NDST4: variants seen among roughly 807,000 people sequenced by gnomAD.
NDST4 encodes the protein N-deacetylase and N-sulfotransferase 4.
Under a neutral mutation model 100.8 loss-of-function variants are expected in NDST4, and 63 were observed. The ratio of observed to expected loss-of-function variants is 0.62; its 90% CI spans 0.51 to 0.77. The LOEUF (loss-of-function observed/expected upper bound fraction) is 0.77, where lower values mean the gene tolerates loss of function less well. NDST4 is among the 30% of genes least tolerant of loss of function. The pLI, the probability that NDST4 is intolerant of heterozygous loss-of-function variation, is 0.00. For missense variants in NDST4, 943 were observed against 1,018.4 expected (o/e 0.93, Z 1.01); for synonymous variants, 377 against 361.8 (o/e 1.04, Z -0.48).
intron 6 of NDST4, among the ~76,000 whole-genome samples, chr4:114,897,876 T>C (rs1185970395): frequency 6.6e-6 from 1 of 152,232 alleles, no homozygotes; most frequent in East Asian, 1.9e-4. Flanking sequence ...TTGAGGTGTC[T>C]GGTAAGGTCT....
rs566374025 is a variant in NDST4 at position 115,033,410 on chromosome 4, G to A, written c.978+42649C>T. The stretch of plus-strand genomic sequence containing the variant: ...GGATTACAGGTGTGAGCCACCCTGC[G>A]TAGTCCTGCTATTAATTTTTAAGTA... On this transcript the variant is annotated intron_variant, in intron 2 of 13. Coordinates refer to ENST00000264363, the MANE Select transcript of NDST4 (RefSeq NM_022569.3). 1.8e-4 allele frequency among the ~76,000 whole-genome samples: 27 copies of A among 151,516 alleles called. No individual in the cohort carries two copies. In the South Asian group the frequency reaches 2.7e-3, roughly 15 times the overall value.
At chr4:114,840,698 T>G (rs1302763974) in intron 10 of NDST4, among the ~76,000 whole-genome samples, 2 of 152,138 alleles carry the variant, frequency 1.3e-5, no homozygotes, top group Admixed American at 1.3e-4. Flanking sequence ...CGGGAATAAG[T>G]GTTGTGAAAC....
At chr4:115,079,518 T>G (rs549149404) in intron 1 of NDST4, among the ~76,000 whole-genome samples, 1 of 152,330 alleles carries the variant, frequency 6.6e-6, no homozygotes, top group Admixed American at 6.5e-5. Context: ...GTTAGAGTAC[T>G]TAAATAATTT....
At chr4:115,017,038 G>A (rs929017952) in intron 2 of NDST4, among the ~76,000 whole-genome samples, 2 of 151,622 alleles carry the variant, frequency 1.3e-5, no homozygotes, top group Admixed American at 1.3e-4. Flanking sequence ...AATTAGGAAA[G>A]AGTTTTTCTA....
chr4:114,893,814 C>T (rs1724652994), intron 6 of NDST4, among the ~76,000 whole-genome samples: 1 of 152,058 alleles, frequency 6.6e-6, no homozygotes, highest in Non-Finnish European at 1.5e-5. Context: ...AGTCTTTGCC[C>T]ATGCCTATGT....
chr4:114,913,138 A>T (rs1272406389), intron 6 of NDST4, among the ~76,000 whole-genome samples: 1 of 134,488 alleles, frequency 7.4e-6, no homozygotes, highest in Non-Finnish European at 1.5e-5. Flanking sequence ...AAAAAAATAA[A>T]ATTATATTTT....
chr4:114,986,195 G>A (rs1484200764), intron 2 of NDST4, among the ~76,000 whole-genome samples: 2 of 152,182 alleles, frequency 1.3e-5, no homozygotes, highest in Admixed American at 1.3e-4. Context: ...TATGTGAAGA[G>A]TTTGCATTTT....
intron 1 of NDST4, among the ~76,000 whole-genome samples, chr4:115,099,928 G>A (rs1729696171): frequency 6.6e-6 from 1 of 152,062 alleles, no homozygotes; most frequent in Non-Finnish European, 1.5e-5. Context: ...ATCAAAAAGT[G>A]AATGAATAAA....
intron 6 of NDST4, among the ~76,000 whole-genome samples, chr4:114,914,241 AAAAAT>A (rs1407407307): frequency 1.3e-5 from 2 of 152,104 alleles, no homozygotes; most frequent in African/African-American, 4.8e-5. Flanking sequence ...AAAAAAATAG[AAAAAT>A]AAATAAGACC....
chr4:114,874,099 TG>T (rs1724207624), intron 6 of NDST4, among the ~76,000 whole-genome samples: 2 of 151,988 alleles, frequency 1.3e-5, no homozygotes, highest in South Asian at 4.1e-4. Context: ...CAGATATTAT[TG>T]AAAAAAAAGA....
At chr4:115,005,956 C>T (rs144089893) in intron 2 of NDST4, among the ~76,000 whole-genome samples, 58 of 145,002 alleles carry the variant, frequency 4.0e-4, no homozygotes, top group African/African-American at 1.4e-3. Context: ...CGCTTGAACT[C>T]GGGAGGCAGA....
intron 6 of NDST4, among the ~76,000 whole-genome samples, chr4:114,885,150 C>T (rs1724451855): frequency 6.6e-6 from 1 of 152,068 alleles, no homozygotes; most frequent in Non-Finnish European, 1.5e-5. Context: ...GATCTGCATG[C>T]CAACAGGCTA....
chr4:114,966,015 T>C (rs1445278087), intron 4 of NDST4, among the ~76,000 whole-genome samples: 1 of 151,988 alleles, frequency 6.6e-6, no homozygotes. Context: ...CAAAGATCTA[T>C]GAGTTATTGA....
At chr4:114,988,352 CTTTTTTTT>C (rs991019823) in intron 2 of NDST4, among the ~76,000 whole-genome samples, 16 of 64,198 alleles carry the variant, frequency 2.5e-4, no homozygotes, top group African/African-American at 8.2e-4. Context: ...ATACACATAT[CTTTTTTTT>C]TTTTTTTTTT....
intron 2 of NDST4, among the ~76,000 whole-genome samples, chr4:115,022,098 G>A (rs1047287198): frequency 2.3e-5 from 3 of 132,494 alleles, no homozygotes; most frequent in Admixed American, 7.1e-5. Context: ...ATATATACAC[G>A]TTCCACGTCT....
chr4:114,923,618 G>GTTTTC (rs1725330733), intron 6 of NDST4, among the ~76,000 whole-genome samples: 1 of 151,878 alleles, frequency 6.6e-6, no homozygotes, highest in African/African-American at 2.4e-5. Flanking sequence ...TACAGGGAGT[G>GTTTTC]TTTTCTTTTC....
At chr4:115,010,410 A>G (rs13152177) in intron 2 of NDST4, among the ~76,000 whole-genome samples, 16,983 of 127,896 alleles carry the variant, frequency 0.13, 4,652 homozygotes, top group Non-Finnish European at 0.2. Flanking sequence ...ATTTGAAATC[A>G]TCATTCTCAG....
intron 2 of NDST4, among the ~76,000 whole-genome samples, chr4:114,986,832 A>ATATATATATATATATATATTTTT: frequency 6.3e-5 from 6 of 94,660 alleles, no homozygotes; most frequent in East Asian, 3.6e-4. Flanking sequence ...ATATATATAT[A>ATATATATATATATATATATTTTT]TTTTAATATA....
At chr4:115,097,064 A>G (rs1259120051) in intron 1 of NDST4, among the ~76,000 whole-genome samples, 1 of 151,998 alleles carries the variant, frequency 6.6e-6, no homozygotes, top group Non-Finnish European at 1.5e-5. Context: ...ACTTAGTCAC[A>G]ATTTATGTTT....
Sources: allele counts gnomAD v4.1 joint callset (sites outside exome capture counted in the v4.1 genomes callset), GRCh38; gene constraint gnomAD v4.1.1; transcripts MANE v1.5; gene names NCBI Gene and HGNC (gene_info 2026-07-23, HGNC 2026-07-21).